Variants in COL1A2 observed in about 807,000 individuals in gnomAD.
COL1A2 encodes the protein collagen type I alpha 2 chain.
A neutral mutation model predicts 174.3 loss-of-function variants in COL1A2; 49 were observed. The ratio of observed to expected loss-of-function variants is 0.28; its 90% CI spans 0.22 to 0.36. The LOEUF (loss-of-function observed/expected upper bound fraction) is 0.36, where lower values mean the gene tolerates loss of function less well. Ranked by LOEUF, COL1A2 falls within the 10% of genes least tolerant of loss-of-function variation. The pLI is 1.00. For synonymous variants in COL1A2, 655 were observed against 606.6 expected, an observed-to-expected ratio of 1.08 and a Z score of -1.17; for missense variants, 1,438 against 1,822.7, an observed-to-expected ratio of 0.79 and a Z score of 3.84.
intron 15 of COL1A2, 127 bp from the exon 16 acceptor site, chr7:94,408,643 T>C (rs2115889682): frequency 2.8e-6 from 3 of 1,065,322 alleles, no homozygotes; most frequent in Admixed American, 2.0e-5. Context: ...AGACTGGTTG[T>C]CAGTTTTTTT....
chr7:94,423,091 G>A lies in COL1A2; in HGVS notation c.2538G>A (p.Lys846=). The change falls in exon 40 of 52, where the codon AAG becomes AAA. Residue 846 remains lysine (K), a synonymous_variant. Coordinates refer to ENST00000297268, the MANE Select transcript of COL1A2 (RefSeq NM_000089.4). ...AVGPPGFAGE[K]GPSGEAGTAG... ...GTCCCCCTGGCTTCGCTGGTGAGAA[G>A]GGTCCCTCTGGAGAGGCTGGTACTG... 6.2e-7 allele frequency: 1 copy of A among 1,614,142 alleles called. No homozygotes were observed.
chr7:94,408,970 G>T, intron 16 of COL1A2, 147 bp downstream of exon 16: 1 of 803,412 alleles, frequency 1.2e-6, no homozygotes, highest in Non-Finnish European at 2.1e-6. Context: ...AGAATGACCA[G>T]TTTTCTCACT....
intron 37 of COL1A2, 80 bp from the exon 38 acceptor site, chr7:94,420,929 G>A (rs2115933207): frequency 7.4e-7 from 1 of 1,345,008 alleles, no homozygotes; most frequent in East Asian, 2.3e-5. Context: ...AAGAGATGCG[G>A]GAATGATCCA....
chr7:94,410,684 T>C (rs928450625), intron 21 of COL1A2, among the ~76,000 whole-genome samples, 157 bp downstream of exon 21: 1 of 152,200 alleles, frequency 6.6e-6, no homozygotes, highest in African/African-American at 2.4e-5. Flanking sequence ...CAATTTAATA[T>C]GTTATAAAAT....
At chr7:94,410,321 T>G (rs769790753) in intron 20 of COL1A2, 26 bp downstream of exon 20, 1 of 1,613,544 alleles carries the variant, frequency 6.2e-7, no homozygotes, top group Non-Finnish European at 8.5e-7. Context: ...ATCACACTTT[T>G]ATAAAGTTAA....
Position 94,413,148 on chromosome 7 carries a change from C to T in COL1A2, c.1557+12C>T, listed in dbSNP as rs570791292. The stretch of plus-strand genomic sequence containing the variant: ...TTGCTGGTGCTCGGGTAGGTGCTAA[C>T]TTGTGTACAGATCTATTCACATAGC... On this transcript the variant is annotated intron_variant, in intron 26 of 51. Coordinates refer to ENST00000297268, the MANE Select transcript of COL1A2 (RefSeq NM_000089.4). 5.0e-6 allele frequency: 8 copies of T among 1,613,430 alleles called. No individual in the cohort carries two copies. Among genetic ancestry groups the T allele is most frequent in the East Asian group, 4.5e-5 (2 of 44,878 alleles).
intron 23 of COL1A2, 110 bp downstream of exon 23, chr7:94,411,264 T>A: frequency 1.1e-6 from 1 of 889,590 alleles, no homozygotes; most frequent in Non-Finnish European, 1.8e-6. Context: ...AATTTGTTAG[T>A]AGTCTTGCTG....
chr7:94,404,784 C>T (rs755023126), intron 8 of COL1A2, 38 bp downstream of exon 8: 2 of 1,613,978 alleles, frequency 1.2e-6, no homozygotes, highest in Non-Finnish European at 1.7e-6. Flanking sequence ...AAGTTTTTTT[C>T]CAGGAAGTTT....
intron 51 of COL1A2, chr7:94,429,747 G>A (rs1792361740): frequency 1.0e-5 from 3 of 292,220 alleles, no homozygotes; most frequent in South Asian, 5.1e-5. Flanking sequence ...TGTGTGCCCA[G>A]AACTTAAAAT....
intron 50 of COL1A2, 110 bp from the exon 51 acceptor site, chr7:94,429,078 G>A: frequency 1.1e-6 from 1 of 906,108 alleles, no homozygotes; most frequent in South Asian, 1.6e-5. Flanking sequence ...GCTTGGATCT[G>A]AGTCTACTCT....
At chr7:94,425,517 A>C in intron 42 of COL1A2, 93 bp from the exon 43 acceptor site, 1 of 1,274,650 alleles carries the variant, frequency 7.8e-7, no homozygotes. Context: ...GTTACTGAGC[A>C]CTGGAAGTGA....
chr7:94,404,338 T>A (rs1321633961), intron 6 of COL1A2, among the ~76,000 whole-genome samples: 2 of 152,212 alleles, frequency 1.3e-5, no homozygotes, highest in Non-Finnish European at 1.5e-5. Flanking sequence ...CCCCGTCTAA[T>A]TCTCATTGAT....
chr7:94,429,469 G>A (rs1216167383), intron 51 of COL1A2, 39 bp downstream of exon 51: 14 of 1,610,428 alleles, frequency 8.7e-6, no homozygotes, highest in Non-Finnish European at 1.0e-5. Flanking sequence ...TTTGGGAAGT[G>A]GGATGGAGGG....
Position 94,426,555 on chromosome 7 carries a change from A to C in COL1A2, c.3105+25A>C, listed in dbSNP as rs764772059. On this transcript the variant is annotated intron_variant, in intron 46 of 51. Coordinates refer to ENST00000297268, the MANE Select transcript of COL1A2 (RefSeq NM_000089.4). ...TGTAAGTAAACTGTAGCCATCTCGC[A>C]CATAAACTGATCCTGAAGGCCTTCA... 5 of 1,548,364 alleles carry C rather than the reference A, an allele frequency of 3.2e-6. No homozygotes were observed. In the Admixed American group the frequency reaches 9.3e-5, roughly 29 times the overall value.
chr7:94,429,652 C>G, intron 51 of COL1A2: 2 of 525,724 alleles, frequency 3.8e-6, no homozygotes, highest in Non-Finnish European at 6.7e-6. Flanking sequence ...TCAGAGTATT[C>G]TTATCAGATA....
At chr7:94,408,701 T>C in intron 15 of COL1A2, 69 bp from the exon 16 acceptor site, 1 of 1,535,878 alleles carries the variant, frequency 6.5e-7, no homozygotes, top group Non-Finnish European at 9.0e-7. Flanking sequence ...ACTTCAATCT[T>C]CTGCCATTGT....
chr7:94,395,370 C>T, intron 1 of COL1A2: 1 of 508,472 alleles, frequency 2.0e-6, no homozygotes, highest in Admixed American at 2.9e-5. Context: ...CTTAGTAACC[C>T]CCAAAGGGAG....
chr7:94,409,529 T>G, intron 17 of COL1A2, 35 bp from the exon 18 acceptor site: 9 of 1,613,932 alleles, frequency 5.6e-6, no homozygotes, highest in Non-Finnish European at 7.6e-6. Context: ...ATATTCCAAT[T>G]AACTGATATC....
chr7:94,414,089 T>C, intron 28 of COL1A2, 133 bp from the exon 29 acceptor site: 2 of 1,307,792 alleles, frequency 1.5e-6, no homozygotes, highest in Non-Finnish European at 2.2e-6. Context: ...TCAAACAAAC[T>C]TTTGTGTAAT....
Sources: gnomAD v4.1 joint callset for allele counts (sites outside exome capture counted in the v4.1 genomes callset) on GRCh38, gnomAD v4.1.1 for gene constraint, MANE v1.5 for transcripts, NCBI Gene and HGNC (gene_info 2026-07-23, HGNC 2026-07-21) for gene names.